Variants in TLE5 observed in about 807,000 individuals in gnomAD.
The protein encoded by TLE5 is TLE family member 5.
A neutral mutation model predicts 25.8 loss-of-function variants in TLE5; 7 were observed. The observed-to-expected ratio is 0.27, with a 90% CI of 0.15 to 0.51. TLE5 has a LOEUF of 0.51. Among genes scored for constraint, TLE5 ranks in the 20% least tolerant of loss-of-function variants. TLE5 has a pLI of 0.97. For synonymous variants in TLE5, 132 were observed against 110.5 expected, an observed-to-expected ratio of 1.20 and a Z score of -1.22; for missense variants, 149 against 250.7, an observed-to-expected ratio of 0.59 and a Z score of 2.74.
intron 6 of TLE5, 34 bp downstream of exon 6, chr19:3,054,086 T>TCCGGGGGGGCCCCCCCC: frequency 6.6e-7 from 1 of 1,512,818 alleles, no homozygotes; most frequent in Non-Finnish European, 8.9e-7. Flanking sequence ...GGCCCACCTG[T>TCCGGGGGGGCCCCCCCC]CCCCCGCCCA....
rs1211722042 is a variant in TLE5 at position 3,062,180 on chromosome 19, C to T, written c.21G>A (p.Arg7=). MMFPQS[R]HSGSSHLPQQ... The stretch of plus-strand genomic sequence containing the variant: ...CCGGACGGGCCCCGCTTACCGAATG[C>T]CTGCTTTGTGGAAACATCATGTCAA... The change falls in exon 1 of 7, where the codon AGG becomes AGA. Residue 7 remains arginine, a synonymous_variant. Coordinates refer to ENST00000327141, the MANE Select transcript of TLE5 (RefSeq NM_001130.6). 4.5e-5 allele frequency: 53 copies of T among 1,165,978 alleles called. No homozygotes were observed. In the Admixed American group the frequency reaches 2.4e-3, roughly 53 times the overall value. 72.2% of individuals were successfully genotyped at this position (1,165,978 alleles called of 1,614,324 possible).
chr19:3,061,405 A>C (rs1005707973), intron 1 of TLE5, 148 bp from the exon 2 acceptor site: 2 of 495,466 alleles, frequency 4.0e-6, no homozygotes, highest in Non-Finnish European at 7.0e-6. Flanking sequence ...GCGCGACCCC[A>C]CCCGCGCTTC....
chr19:3,061,450 G>A, intron 1 of TLE5, 193 bp from the exon 2 acceptor site: 1 of 419,992 alleles, frequency 2.4e-6, no homozygotes, highest in Non-Finnish European at 4.3e-6. Flanking sequence ...AGCCGAGCGG[G>A]TGGGTGCGCC....
upstream of TLE5, chr19:3,062,710 G>T (rs2090282970): frequency 2.6e-6 from 4 of 1,516,074 alleles, no homozygotes; most frequent in South Asian, 2.5e-5. Flanking sequence ...CCGGCAGCCG[G>T]CCGGGCCTCG....
At position 3,062,216 on chromosome 19, in the gene TLE5, G is replaced by A. The variant is rs1441603048; in HGVS notation, c.-16C>T. 5 of 1,128,842 alleles carry A rather than the reference G, an allele frequency of 4.4e-6. No individual in the cohort carries two copies. In the African/African-American group the frequency reaches 6.6e-5, roughly 15 times the overall value. 69.9% of individuals were successfully genotyped at this position (1,128,842 alleles called of 1,614,324 possible). A position where few individuals can be genotyped will look rare whatever the true frequency, so the allele number is the denominator to read the frequency against. On this transcript the variant is annotated 5_prime_UTR_variant, in exon 1 of 7. Transcript: ENST00000327141. ...GAAACATCATGTCAATCGCGGCGGGGGGCGCGGGCTGCGCCCCGGCTGTGC... is the reference window on the plus strand; with the variant it reads ...GAAACATCATGTCAATCGCGGCGGGAGGCGCGGGCTGCGCCCCGGCTGTGC...
At chr19:3,060,599 T>C (rs548806545) in intron 2 of TLE5, among the ~76,000 whole-genome samples, 1 of 152,274 alleles carries the variant, frequency 6.6e-6, no homozygotes, top group Non-Finnish European at 1.5e-5. Flanking sequence ...CCCAAAGTGC[T>C]GGGATTACAG....
At position 3,062,194 on chromosome 19, in the gene TLE5, A is replaced by C; in HGVS notation, c.7T>G (p.Phe3Val). MM[F>V]PQSRHSGSSH... The stretch of plus-strand genomic sequence containing the variant: ...CTTACCGAATGCCTGCTTTGTGGAA[A>C]CATCATGTCAATCGCGGCGGGGGGC... Residue 3 changes from phenylalanine to valine, a missense_variant, in exon 1 of 7, where the codon TTT becomes GTT. By Grantham distance (50) the Phe-to-Val change is conservative. Transcript: ENST00000327141. The C allele has an allele frequency of 1.7e-6, 2 of 1,150,414 alleles. No homozygotes were observed. The allele number at this position is 1,150,414 out of a possible 1,614,324, so 71.3% of individuals were successfully genotyped here.
At chr19:3,062,710 G>A, upstream of TLE5, 3 of 1,516,074 alleles carry the variant, frequency 2.0e-6, no homozygotes, top group Non-Finnish European at 2.6e-6. Flanking sequence ...CCGGCAGCCG[G>A]CCGGGCCTCG....
chr19:3,054,086 T>TCGGGGGGGGGGGCCCCCCCCCCCCCC, intron 6 of TLE5, 34 bp downstream of exon 6: 1 of 1,512,816 alleles, frequency 6.6e-7, no homozygotes, highest in Non-Finnish European at 8.9e-7. Context: ...GGCCCACCTG[T>TCGGGGGGGGGGGCCCCCCCCCCCCCC]CCCCCGCCCA....
At chr19:3,059,983 CAGGG>C (rs1254300534) in intron 2 of TLE5, among the ~76,000 whole-genome samples, 2 of 152,160 alleles carry the variant, frequency 1.3e-5, no homozygotes, top group Non-Finnish European at 2.9e-5. Flanking sequence ...CTTGAGCACA[CAGGG>C]AGTACCCAAA....
At chr19:3,062,837 G>A, upstream of TLE5, 1 of 1,544,778 alleles carries the variant, frequency 6.5e-7, no homozygotes, top group South Asian at 1.2e-5. Flanking sequence ...GCTCTGGCTG[G>A]GCGGTGGTTC....
At chr19:3,057,561 CCT>C in intron 3 of TLE5, 116 bp downstream of exon 3, 1 of 969,496 alleles carries the variant, frequency 1.0e-6, no homozygotes, top group South Asian at 1.4e-5. Flanking sequence ...AGGCCCCGAT[CCT>C]CGCGCTTCCC....
upstream of TLE5, chr19:3,062,831 T>C (rs1371317989): frequency 6.5e-7 from 1 of 1,548,434 alleles, no homozygotes; most frequent in Non-Finnish European, 8.7e-7. Context: ...ACCTTGGCTC[T>C]GGCTGGGCGG....
At chr19:3,062,876 G>A, upstream of TLE5, 2 of 1,441,950 alleles carry the variant, frequency 1.4e-6, no homozygotes, top group Non-Finnish European at 1.9e-6. Flanking sequence ...CTTTTCTGCA[G>A]AAAGGCAGCG....
intron 4 of TLE5, 95 bp downstream of exon 4, chr19:3,056,216 GC>G: frequency 1.2e-6 from 1 of 851,218 alleles, no homozygotes; most frequent in Non-Finnish European, 1.7e-6. Flanking sequence ...CCGAGGGCCG[GC>G]CGCTACCTGC....
chr19:3,061,379 G>C, intron 1 of TLE5, 122 bp from the exon 2 acceptor site: 1 of 683,548 alleles, frequency 1.5e-6, no homozygotes, highest in Non-Finnish European at 2.5e-6. Context: ...TCCTGGGCCC[G>C]TGTTTACGGC....
chr19:3,062,373 G>T lies in TLE5; in HGVS notation c.-173C>A, dbSNP rs1229713208. On this transcript the variant is annotated 5_prime_UTR_variant, in exon 1 of 7. Transcript: ENST00000327141. ...TCCTGCGCCCCCTCCCCGCGCGCCCGGCCCCGGCGCGCCCCGGGCCCCGCT... is the reference window on the plus strand; with the variant it reads ...TCCTGCGCCCCCTCCCCGCGCGCCCTGCCCCGGCGCGCCCCGGGCCCCGCT... 2 of 796,854 alleles carry T rather than the reference G, an allele frequency of 2.5e-6. No individual in the cohort carries two copies. The highest frequency in any genetic ancestry group is 3.0e-6 in the Non-Finnish European group (2 of 665,508). The allele number at this position is 796,854 out of a possible 1,614,324, so 49.4% of individuals were successfully genotyped here.
intron 2 of TLE5, 68 bp from the exon 3 acceptor site, chr19:3,057,810 A>T: frequency 6.8e-7 from 1 of 1,463,972 alleles, no homozygotes; most frequent in East Asian, 2.3e-5. Context: ...ACCCTCCGTT[A>T]TCCAGGGGAG....
intron 2 of TLE5, among the ~76,000 whole-genome samples, chr19:3,060,018 G>C (rs953833049): frequency 6.6e-6 from 1 of 152,126 alleles, no homozygotes; most frequent in African/African-American, 2.4e-5. Flanking sequence ...ATTTGCAGCA[G>C]CAACAACAAA....
Sources: allele counts gnomAD v4.1 joint callset (sites outside exome capture counted in the v4.1 genomes callset), GRCh38; gene constraint gnomAD v4.1.1; transcripts MANE v1.5; gene names NCBI Gene and HGNC (gene_info 2026-07-23, HGNC 2026-07-21).